The following BMP2K variants were observed in gnomAD, a reference collection of about 807,000 sequenced individuals.
The protein encoded by BMP2K is BMP2 inducible kinase, also known as BMP-2-inducible protein kinase.
BMP2K carries 74 observed loss-of-function variants against 116.0 expected under a neutral mutation model. That is an observed-to-expected ratio of 0.64 (90% CI 0.53 to 0.77). BMP2K has a LOEUF of 0.77. Ranked by LOEUF, BMP2K falls within the 30% of genes least tolerant of loss-of-function variation. The pLI is 0.00. For missense variants in BMP2K, 1,365 were observed against 1,403.6 expected (o/e 0.97, Z 0.44); for synonymous variants, 486 against 502.5 (o/e 0.97, Z 0.44).
intron 3 of BMP2K, among the ~76,000 whole-genome samples, chr4:78,840,638 C>T (rs74770078): frequency 0.028 from 4,203 of 151,810 alleles, 216 homozygotes; most frequent in African/African-American, 0.097. Flanking sequence ...AATTAGAATA[C>T]CTTCTTTTAA....
chr4:78,792,820 A>G (rs1252668284), intron 1 of BMP2K, among the ~76,000 whole-genome samples: 3 of 152,220 alleles, frequency 2.0e-5, no homozygotes, highest in Non-Finnish European at 2.9e-5. Flanking sequence ...ACTAACCTTT[A>G]AGAAAGTACT....
chr4:78,870,837 A>C lies in BMP2K; in HGVS notation c.1286A>C (p.Gln429Pro). 6.2e-7 allele frequency: 1 copy of C among 1,614,116 alleles called. No homozygotes were observed. Among genetic ancestry groups the C allele is most frequent in the South Asian group, 1.1e-5 (1 of 91,082 alleles). The change falls in exon 11 of 16, where the codon CAG becomes CCG. Residue 429 changes from glutamine to proline, a missense_variant. Around this residue, in one of 3 missense-constraint regions of BMP2K, gnomAD observed 762 missense variants for 756.7 expected, o/e 1.01. Coordinates refer to ENST00000502613, the MANE Select transcript of BMP2K (RefSeq NM_198892.2). ...ATTTTATTGGGTCAGGGACCTCCTCAGCAGCCGCCACAGCAGCATAGAGTA... is the reference window on the plus strand; with the variant it reads ...ATTTTATTGGGTCAGGGACCTCCTCCGCAGCCGCCACAGCAGCATAGAGTA... Reference protein sequence around the residue: ...PEILLGQGPPQQPPQQHRVLQ... With the variant: ...PEILLGQGPPPQPPQQHRVLQ...
rs1021174449 is a variant in BMP2K, at chr4:78,910,789, C to A, written c.2242C>A (p.Pro748Thr). ...DESESDFESD[P>T]PSPKSSEEEE... is the part of the protein sequence containing the mutation. ...ATCTGAAAGTGATTTTGAATCAGAT[C>A]CCCCTTCTCCTAAGAGCAGTGAAGA... The change falls in exon 16 of 16, where the codon CCC becomes ACC. Residue 748 changes from proline to threonine, a missense_variant. Around this residue, in one of 3 missense-constraint regions of BMP2K, gnomAD observed 596 missense variants for 623.2 expected, o/e 0.96. Coordinates refer to ENST00000502613, the MANE Select transcript of BMP2K (RefSeq NM_198892.2). 5 of 1,613,730 alleles carry A rather than the reference C, an allele frequency of 3.1e-6. No homozygotes were observed. The highest frequency in any genetic ancestry group is 4.2e-6 in the Non-Finnish European group (5 of 1,179,818).
At chr4:78,887,328 A>G in intron 15 of BMP2K, 44 bp downstream of exon 15, 1 of 1,338,774 alleles carries the variant, frequency 7.5e-7, no homozygotes, top group Non-Finnish European at 1.1e-6. Flanking sequence ...AATAAAACAC[A>G]CAAGAACAAC....
At chr4:78,801,976 C>A (rs1406444349) in intron 1 of BMP2K, among the ~76,000 whole-genome samples, 1 of 152,206 alleles carries the variant, frequency 6.6e-6, no homozygotes, top group Non-Finnish European at 1.5e-5. Context: ...CTTGTATGAT[C>A]TTCCATCTAG....
In BMP2K at chr4:78,912,897, CTT is replaced by C. The variant is rs1275434251; in HGVS notation, c.*866_*867del. On this transcript the variant is annotated 3_prime_UTR_variant, in exon 16 of 16. Transcript: ENST00000502613. ...GAAAACATTCACTACTTTAGAAACACTTTATGCATGGCTTCTTGCCCCAAACT... is the reference window on the plus strand; with the variant it reads ...GAAAACATTCACTACTTTAGAAACACTATGCATGGCTTCTTGCCCCAAACT... 6.6e-6 allele frequency: 1 copy of C among 152,130 alleles called. No individual in the cohort carries two copies. The highest frequency in any genetic ancestry group is 2.4e-5 in the African/African-American group (1 of 41,416). 9.4% of individuals were successfully genotyped at this position (152,130 alleles called of 1,614,324 possible). A position where few individuals can be genotyped will look rare whatever the true frequency, so the allele number is the denominator to read the frequency against.
At chr4:78,839,202 C>A (rs1266007387) in intron 3 of BMP2K, among the ~76,000 whole-genome samples, 1 of 152,202 alleles carries the variant, frequency 6.6e-6, no homozygotes, top group South Asian at 2.1e-4. Context: ...GGCTTTCTCA[C>A]ATGGCAGTGG....
intron 14 of BMP2K, among the ~76,000 whole-genome samples, chr4:78,881,737 GGT>G (rs1732891366): frequency 6.6e-6 from 1 of 151,754 alleles, no homozygotes; most frequent in African/African-American, 2.4e-5. Flanking sequence ...ATTGATAGAT[GGT>G]CATTATATTA....
intron 6 of BMP2K, among the ~76,000 whole-genome samples, chr4:78,848,567 C>G (rs1422529130): frequency 6.6e-6 from 1 of 151,338 alleles, no homozygotes; most frequent in African/African-American, 2.4e-5. Context: ...CATTCTGAAG[C>G]CATTGAAGGT....
intron 9 of BMP2K, 130 bp downstream of exon 9, chr4:78,861,598 G>A: frequency 1.3e-6 from 1 of 743,108 alleles, no homozygotes; most frequent in Non-Finnish European, 2.2e-6. Flanking sequence ...TATTGTATGT[G>A]GTATAATTGA....
chr4:78,795,073 T>C (rs540602091), intron 1 of BMP2K, among the ~76,000 whole-genome samples: 1 of 152,340 alleles, frequency 6.6e-6, no homozygotes, highest in African/African-American at 2.4e-5. Context: ...TCAGGGCTTG[T>C]TGAAGTGAAG....
At chr4:78,885,582 T>G (rs1270226402) in intron 14 of BMP2K, among the ~76,000 whole-genome samples, 6 of 152,204 alleles carry the variant, frequency 3.9e-5, no homozygotes, top group Non-Finnish European at 8.8e-5. Context: ...CAATTCTACT[T>G]GGGTTCTGCC....
Position 78,848,806 on chromosome 4 carries a change from G to GA in BMP2K, c.750+1547dup, listed in dbSNP as rs535523308. 3.1e-3 allele frequency among the ~76,000 whole-genome samples: 448 copies of GA among 145,368 alleles called. 2 individuals carry two copies. Among genetic ancestry groups the GA allele is most frequent in the Non-Finnish European group, 5.0e-3 (327 of 65,492 alleles). On this transcript the variant is annotated intron_variant, in intron 6 of 15. Transcript: ENST00000502613. Reference sequence around the variant, plus strand: ...GCTGTGGGCTTACAAATAGATACTTGAAAAAAAAAAGAAACATAATTAGAG... The same window carrying GA: ...GCTGTGGGCTTACAAATAGATACTTGAAAAAAAAAAAGAAACATAATTAGAG...
intron 15 of BMP2K, among the ~76,000 whole-genome samples, chr4:78,908,993 TCTC>T (rs200688508): frequency 0.056 from 8,415 of 150,100 alleles, 756 homozygotes; most frequent in African/African-American, 0.19. Flanking sequence ...GCCACCAAAA[TCTC>T]TAACTTGCAT....
chr4:78,813,833 T>C (rs1383057888), intron 1 of BMP2K, among the ~76,000 whole-genome samples: 1 of 152,256 alleles, frequency 6.6e-6, no homozygotes, highest in African/African-American at 2.4e-5. Flanking sequence ...GTCTTCTATG[T>C]ACTGTATATT....
At chr4:78,850,101 T>C (rs541228545) in intron 6 of BMP2K, among the ~76,000 whole-genome samples, 1 of 151,870 alleles carries the variant, frequency 6.6e-6, no homozygotes, top group African/African-American at 2.4e-5. Flanking sequence ...TTAAGGCCTG[T>C]AGGTGACACT....
intron 2 of BMP2K, among the ~76,000 whole-genome samples, chr4:78,826,365 C>A (rs2109999610): frequency 6.6e-6 from 1 of 152,150 alleles, no homozygotes; most frequent in Admixed American, 6.5e-5. Context: ...CCATACCTGG[C>A]TAATTTTTTG....
Position 78,857,800 on chromosome 4 carries a change from GTT to G in BMP2K, c.884-1780_884-1779del, listed in dbSNP as rs1731574883. On this transcript the variant is annotated intron_variant, in intron 7 of 15. Coordinates refer to ENST00000502613, the MANE Select transcript of BMP2K (RefSeq NM_198892.2). ...TCTAGCTTTCAGTATCACGAATAGT[GTT>G]TTTCCTTAGCACCTGATTTGTTTTT... Among the ~76,000 whole-genome samples the G allele has an allele frequency of 2.6e-5, 4 of 152,120 alleles. No homozygotes were observed. In the South Asian group the frequency reaches 8.3e-4, roughly 32 times the overall value.
At chr4:78,778,258 A>G (rs986686451) in intron 1 of BMP2K, among the ~76,000 whole-genome samples, 3 of 152,230 alleles carry the variant, frequency 2.0e-5, no homozygotes, top group Non-Finnish European at 2.9e-5. Context: ...TTGAATTTGT[A>G]ACTTGTATTA....
Sources: allele counts gnomAD v4.1 joint callset (sites outside exome capture counted in the v4.1 genomes callset), GRCh38; gene constraint gnomAD v4.1.1; regional missense constraint gnomAD v4.1.1; transcripts MANE v1.5; gene names NCBI Gene and HGNC (gene_info 2026-07-23, HGNC 2026-07-21).